The following SLC25A48 variants were observed in gnomAD, a reference collection of about 807,000 sequenced individuals.
SLC25A48 encodes the protein solute carrier family 25 member 48.
A neutral mutation model predicts 32.2 loss-of-function variants in SLC25A48; 29 were observed. The observed-to-expected ratio is 0.90, with a 90% CI of 0.67 to 1.23. The LOEUF is 1.23. SLC25A48 is among the 50% of genes most tolerant of loss of function. SLC25A48 has a pLI of 0.00. For synonymous variants in SLC25A48, 164 were observed against 172.3 expected, an observed-to-expected ratio of 0.95 and a Z score of 0.38; for missense variants, 399 against 422.7, an observed-to-expected ratio of 0.94 and a Z score of 0.49.
At chr5:135,858,685 A>G (rs1377432136) in intron 4 of SLC25A48, among the ~76,000 whole-genome samples, 1 of 152,240 alleles carries the variant, frequency 6.6e-6, no homozygotes, top group African/African-American at 2.4e-5. Flanking sequence ...CAGGATTTGT[A>G]GAAGCTGAGG....
chr5:135,836,167 G>A (rs1758486453), intron 1 of SLC25A48, among the ~76,000 whole-genome samples: 1 of 152,152 alleles, frequency 6.6e-6, no homozygotes, highest in Non-Finnish European at 1.5e-5. Flanking sequence ...TGCCCTGGAA[G>A]GTAGGGCTGA....
At chr5:135,770,203 G>A (rs1484901831) in intron 3 of SLC25A48, among the ~76,000 whole-genome samples, 2 of 151,732 alleles carry the variant, frequency 1.3e-5, no homozygotes, top group Non-Finnish European at 1.5e-5. Context: ...CGCAGGGGGT[G>A]TACACTCCCC....
chr5:135,698,298 T>C (rs1561795314), intron 3 of SLC25A48, among the ~76,000 whole-genome samples: 1 of 152,180 alleles, frequency 6.6e-6, no homozygotes, highest in Admixed American at 6.5e-5. Context: ...TAGTGCCCCA[T>C]GGTTGGACAC....
At chr5:135,722,590 A>C (rs1358157946) in intron 3 of SLC25A48, among the ~76,000 whole-genome samples, 2 of 152,246 alleles carry the variant, frequency 1.3e-5, no homozygotes, top group African/African-American at 4.8e-5. Context: ...TAGGCAAGTT[A>C]CTAGTCTCTT....
At chr5:135,820,580 C>G (rs562917406) in intron 4 of SLC25A48, among the ~76,000 whole-genome samples, 1 of 151,406 alleles carries the variant, frequency 6.6e-6, no homozygotes, top group South Asian at 2.1e-4. Flanking sequence ...CTAAAGAGAT[C>G]AAAATAATAT....
At chr5:135,769,102 GTAA>G (rs1392476755) in intron 3 of SLC25A48, among the ~76,000 whole-genome samples, 1 of 151,470 alleles carries the variant, frequency 6.6e-6, no homozygotes, top group Non-Finnish European at 1.5e-5. Flanking sequence ...GATATTGTTT[GTAA>G]TATTCAGGCA....
chr5:135,608,174 A>T (rs928046428), intron 1 of SLC25A48, among the ~76,000 whole-genome samples: 1 of 152,230 alleles, frequency 6.6e-6, no homozygotes, highest in African/African-American at 2.4e-5. Flanking sequence ...TTGCCCAGAC[A>T]GTCCTGATTC....
intron 1 of SLC25A48, among the ~76,000 whole-genome samples, chr5:135,611,231 G>A (rs1752055924): frequency 1.3e-5 from 2 of 152,036 alleles, no homozygotes; most frequent in African/African-American, 2.4e-5. Flanking sequence ...TTGTCAGGCC[G>A]GGGTGCGGTG....
chr5:135,652,485 A>G (rs754373552), intron 3 of SLC25A48: 1 of 455,580 alleles, frequency 2.2e-6, no homozygotes, highest in South Asian at 1.6e-5. Context: ...AAAGTGGTGC[A>G]ATGGATTAAT....
At chr5:135,633,101 G>A (rs566547566) in intron 2 of SLC25A48, among the ~76,000 whole-genome samples, 6 of 152,168 alleles carry the variant, frequency 3.9e-5, no homozygotes, top group African/African-American at 1.4e-4. Flanking sequence ...TCAAGTGGGG[G>A]AGGGCAGCCA....
chr5:135,640,307 G>A (rs1042539502), intron 3 of SLC25A48, among the ~76,000 whole-genome samples: 4 of 152,110 alleles, frequency 2.6e-5, no homozygotes, highest in African/African-American at 9.7e-5. Flanking sequence ...ATGAGTAATT[G>A]GAGGGCTTCA....
In SLC25A48 at chr5:135,886,646, ATATG is replaced by A. The variant is rs146797220; in HGVS notation, c.*8-1384_*8-1381del. Among the ~76,000 whole-genome samples the A allele has an allele frequency of 2.3e-3, 84 of 36,438 alleles. 6 individuals are homozygous for A. Among genetic ancestry groups the A allele is most frequent in the African/African-American group, 0.012 (64 of 5,282 alleles). 23.9% of individuals were successfully genotyped at this position (36,438 alleles called of 152,430 possible). On this transcript the variant is annotated intron_variant, in intron 7 of 7. Transcript: ENST00000681962. The stretch of plus-strand genomic sequence containing the variant: ...ATATATATATATATATAAAATATAT[ATATG>A]TGTGTGTGTGTGTGTGTGTGTGTGA...
intron 4 of SLC25A48, among the ~76,000 whole-genome samples, chr5:135,819,137 G>C (rs1225559039): frequency 6.6e-6 from 1 of 151,426 alleles, no homozygotes; most frequent in Non-Finnish European, 1.5e-5. Flanking sequence ...GTCCCAGAAG[G>C]CGAGAAGAAA....
chr5:135,782,412 A>C (rs1297645222), intron 3 of SLC25A48, among the ~76,000 whole-genome samples: 1 of 117,430 alleles, frequency 8.5e-6, no homozygotes, highest in African/African-American at 2.6e-5. Context: ...ATACCGCAGC[A>C]GGTGCACATC....
At chr5:135,857,577 A>G (rs1760435708) in intron 4 of SLC25A48, among the ~76,000 whole-genome samples, 1 of 152,258 alleles carries the variant, frequency 6.6e-6, no homozygotes, top group Admixed American at 6.5e-5. Flanking sequence ...GCACAGGGCT[A>G]TGTGCTGAGA....
chr5:135,842,769 G>A (rs537449569), intron 2 of SLC25A48, among the ~76,000 whole-genome samples: 2 of 152,322 alleles, frequency 1.3e-5, no homozygotes, highest in South Asian at 4.1e-4. Flanking sequence ...CTTGTTCTGG[G>A]ATGTTCCCTA....
Position 135,880,018 on chromosome 5 carries a change from T to G in SLC25A48, c.864T>G (p.Ser288Arg). ...ACGCGGTGCGGGGCTTCCCCATGAG[T>G]GCGGCCATGTTCCTTGGGTACGAGC... is the stretch of plus-strand genomic sequence containing the variant. ...TVNAVRGFPM[S>R]AAMFLGYELS... The change falls in exon 7 of 8, where the codon AGT (serine) becomes AGG (arginine). Residue 288 changes from serine to arginine, a missense_variant. Physicochemically the swap from Ser to Arg is moderately radical, Grantham distance 110. Transcript: ENST00000681962. The G allele has an allele frequency of 6.5e-7, 1 of 1,536,276 alleles. No individual in the cohort carries two copies. The highest frequency in any genetic ancestry group is 8.7e-7 in the Non-Finnish European group (1 of 1,146,948).
At chr5:135,606,313 C>T (rs2126887409) in intron 1 of SLC25A48, among the ~76,000 whole-genome samples, 1 of 152,230 alleles carries the variant, frequency 6.6e-6, no homozygotes, top group East Asian at 1.9e-4. Context: ...TTTGAGACCC[C>T]AGAAATGATA....
intron 3 of SLC25A48, among the ~76,000 whole-genome samples, chr5:135,769,144 G>A (rs1011308614): frequency 4.0e-5 from 6 of 150,414 alleles, no homozygotes; most frequent in Non-Finnish European, 7.4e-5. Flanking sequence ...TACCAATATC[G>A]CAAGGGGTGT....
Sources: allele counts gnomAD v4.1 joint callset (sites outside exome capture counted in the v4.1 genomes callset), GRCh38; gene constraint gnomAD v4.1.1; transcripts MANE v1.5; gene names NCBI Gene and HGNC (gene_info 2026-07-23, HGNC 2026-07-21).